The following PDE1C variants were observed in gnomAD, a reference collection of about 807,000 sequenced individuals.
PDE1C encodes the protein phosphodiesterase 1C.
PDE1C carries 62 observed loss-of-function variants against 93.1 expected under a neutral mutation model. The observed-to-expected ratio is 0.67, with a 90% CI of 0.54 to 0.82. The LOEUF is 0.82. PDE1C is among the 40% of genes least tolerant of loss of function. The probability of loss-of-function intolerance (pLI) is 0.00; values close to 1 mark genes in which losing one functional copy is unlikely to be tolerated. For synonymous variants in PDE1C, 325 were observed against 310.1 expected (o/e 1.05, Z -0.50); for missense variants, 742 against 884.6 (o/e 0.84, Z 2.04).
At chr7:32,209,424 G>A in intron 2 of PDE1C, 1 of 1,321,124 alleles carries the variant, frequency 7.6e-7, no homozygotes, top group East Asian at 2.5e-5. Context: ...ACCGCATGGG[G>A]GAAAGATCTC....
At chr7:32,324,201 C>T (rs1783356450) in intron 1 of PDE1C, among the ~76,000 whole-genome samples, 1 of 152,200 alleles carries the variant, frequency 6.6e-6, no homozygotes, top group Admixed American at 6.5e-5. Flanking sequence ...TAGTGGCTCT[C>T]ATGCTATTAT....
At chr7:31,924,773 C>T (rs931096269) in intron 2 of PDE1C, among the ~76,000 whole-genome samples, 1 of 152,184 alleles carries the variant, frequency 6.6e-6, no homozygotes, top group Non-Finnish European at 1.5e-5. Flanking sequence ...CAAAGCATCA[C>T]ATTTTTCCCA....
At chr7:31,685,975 T>C in the PDE1C span, among the ~76,000 whole-genome samples, 14 of 152,294 alleles carry the variant, frequency 9.2e-5, no homozygotes, top group African/African-American at 3.4e-4. Context: ...ACTATGGTTC[T>C]AGCCCTGTTA....
intron 17 of PDE1C, among the ~76,000 whole-genome samples, chr7:31,763,931 A>C (rs1299935863): frequency 6.6e-6 from 1 of 151,102 alleles, no homozygotes; most frequent in Non-Finnish European, 1.5e-5. Flanking sequence ...GATTCACAAA[A>C]GACCAGTTAT....
At chr7:31,797,047 A>G (rs928723730) in intron 16 of PDE1C, among the ~76,000 whole-genome samples, 11 of 151,778 alleles carry the variant, frequency 7.2e-5, no homozygotes, top group African/African-American at 2.7e-4. Flanking sequence ...TAAGGTTGTA[A>G]CTGCTTTAGA....
chr7:31,950,487 A>T (rs1305533063), intron 2 of PDE1C, among the ~76,000 whole-genome samples: 1 of 152,184 alleles, frequency 6.6e-6, no homozygotes, highest in Non-Finnish European at 1.5e-5. Context: ...GTAGGACAGA[A>T]CTAAAATAGT....
At chr7:32,191,660 C>A (rs1053704977) in intron 2 of PDE1C, among the ~76,000 whole-genome samples, 1 of 152,136 alleles carries the variant, frequency 6.6e-6, no homozygotes, top group Non-Finnish European at 1.5e-5. Context: ...TTGGCTACTA[C>A]GGAAAAAGCT....
chr7:31,849,490 AG>A (rs1793059372), intron 8 of PDE1C, among the ~76,000 whole-genome samples: 1 of 152,168 alleles, frequency 6.6e-6, no homozygotes. Flanking sequence ...AAGTAGCTGA[AG>A]TTCTTTTGTC....
At chr7:31,723,104 T>C in the PDE1C span, among the ~76,000 whole-genome samples, 1 of 152,302 alleles carries the variant, frequency 6.6e-6, no homozygotes, top group Non-Finnish European at 1.5e-5. Context: ...CCAATCCTTG[T>C]AATAACTGCT....
chr7:31,848,471 A>G (rs941582448), intron 8 of PDE1C, among the ~76,000 whole-genome samples: 1 of 152,022 alleles, frequency 6.6e-6, no homozygotes, highest in Non-Finnish European at 1.5e-5. Context: ...TATTCAATGA[A>G]TGCACTGGTT....
chr7:32,350,547 AATAT>A (rs1180195472), intron 1 of PDE1C, among the ~76,000 whole-genome samples: 8 of 41,042 alleles, frequency 1.9e-4, no homozygotes, highest in African/African-American at 9.4e-4. Context: ...GCATTTGACT[AATAT>A]ATATATATAT....
At chr7:32,166,111 T>C (rs1380507988) in intron 3 of PDE1C, among the ~76,000 whole-genome samples, 2 of 152,172 alleles carry the variant, frequency 1.3e-5, no homozygotes, top group African/African-American at 2.4e-5. Context: ...GATTTAATCA[T>C]TTTGCAATGT....
chr7:31,808,577 T>A (rs779310749), intron 16 of PDE1C, among the ~76,000 whole-genome samples: 1 of 151,944 alleles, frequency 6.6e-6, no homozygotes, highest in Non-Finnish European at 1.5e-5. Context: ...TAAAGACCCC[T>A]GTTTTTGTTT....
chr7:31,636,594 A>T, the PDE1C span, among the ~76,000 whole-genome samples: 1 of 152,142 alleles, frequency 6.6e-6, no homozygotes, highest in Non-Finnish European at 1.5e-5. Flanking sequence ...TAATGCCTAT[A>T]TAGTCTGGGA....
At chr7:32,224,820 GA>G (rs1807133856) in intron 1 of PDE1C, among the ~76,000 whole-genome samples, 1 of 151,928 alleles carries the variant, frequency 6.6e-6, no homozygotes, top group South Asian at 2.1e-4. Flanking sequence ...ATTAACAAGG[GA>G]AAAACAATTG....
intron 1 of PDE1C, among the ~76,000 whole-genome samples, chr7:32,389,903 A>G (rs1410650112): frequency 1.3e-5 from 2 of 152,188 alleles, no homozygotes; most frequent in Non-Finnish European, 2.9e-5. Flanking sequence ...ATTCCCATTC[A>G]ATTCCAACTG....
upstream of PDE1C, among the ~76,000 whole-genome samples, chr7:32,073,501 G>T (rs1796179394): frequency 6.6e-6 from 1 of 152,082 alleles, no homozygotes. Flanking sequence ...AATGGGGAAG[G>T]GAAGTAGTTA....
intron 1 of PDE1C, among the ~76,000 whole-genome samples, chr7:32,249,657 A>G (rs957866089): frequency 2.0e-5 from 3 of 152,232 alleles, no homozygotes; most frequent in Non-Finnish European, 4.4e-5. Context: ...TTTTATTTTT[A>G]AGAACTAAAT....
chr7:32,163,398 C>A (rs138814115), intron 3 of PDE1C, among the ~76,000 whole-genome samples: 4 of 152,176 alleles, frequency 2.6e-5, no homozygotes, highest in Non-Finnish European at 4.4e-5. Context: ...ATGAGTTCAA[C>A]GATTTAATTC....
Sources: allele counts gnomAD v4.1 joint callset (sites outside exome capture counted in the v4.1 genomes callset), GRCh38; gene constraint gnomAD v4.1.1; transcripts MANE v1.5; gene names NCBI Gene and HGNC (gene_info 2026-07-23, HGNC 2026-07-21).